The following MAP4 variants were observed in gnomAD, a reference collection of about 807,000 sequenced individuals.
MAP4 encodes the protein microtubule-associated protein 4.
Under a neutral mutation model 170.2 loss-of-function variants are expected in MAP4, and 76 were observed. That is an observed-to-expected ratio of 0.45 (90% confidence interval 0.37 to 0.54). The LOEUF (loss-of-function observed/expected upper bound fraction) is 0.54. MAP4 is among the 20% of genes least tolerant of loss of function. The probability of loss-of-function intolerance (pLI) is 0.00; values close to 1 mark genes in which losing one functional copy is unlikely to be tolerated. For missense variants in MAP4, 2,506 were observed against 2,748.0 expected (o/e 0.91, Z 1.97); for synonymous variants, 909 against 994.5 (o/e 0.91, Z 1.62).
Position 47,850,813 on chromosome 3 carries a change from C to T in MAP4, c.*2121G>A, listed in dbSNP as rs1181149759. Reference sequence around the variant, plus strand: ...TCGAGAAGTACAGAAATGTCCCACCCCAAACAGCTGCGGAGTACACATCAC... The same window carrying T: ...TCGAGAAGTACAGAAATGTCCCACCTCAAACAGCTGCGGAGTACACATCAC... On this transcript the variant is annotated 3_prime_UTR_variant, in exon 21 of 21. Transcript: ENST00000683076. 6.6e-6 allele frequency: 1 copy of T among 152,438 alleles called. No homozygotes were observed. The highest frequency in any genetic ancestry group is 1.5e-5 in the Non-Finnish European group (1 of 68,252). 9.4% of individuals were successfully genotyped at this position (152,438 alleles called of 1,614,324 possible).
chr3:48,037,737 A>G (rs1220563760), intron 1 of MAP4, among the ~76,000 whole-genome samples: 2 of 152,100 alleles, frequency 1.3e-5, no homozygotes, highest in South Asian at 2.1e-4. Flanking sequence ...CTCCATCCCT[A>G]TGAAAGTCGC....
intron 10 of MAP4, among the ~76,000 whole-genome samples, chr3:47,881,912 T>C (rs1457485744): frequency 6.6e-6 from 1 of 152,174 alleles, no homozygotes; most frequent in East Asian, 1.9e-4. Context: ...ACTTGAGTCA[T>C]TTTTTAAAAA....
chr3:47,900,941 G>A (rs2153322436), intron 10 of MAP4, among the ~76,000 whole-genome samples: 1 of 152,230 alleles, frequency 6.6e-6, no homozygotes, highest in South Asian at 2.1e-4. Flanking sequence ...ATACCCCTAG[G>A]ATCCTTTAGG....
chr3:48,083,973 C>T (rs576750272), intron 1 of MAP4, among the ~76,000 whole-genome samples: 13 of 152,052 alleles, frequency 8.5e-5, no homozygotes, highest in Admixed American at 7.2e-4. Context: ...GATCCCCCTG[C>T]CTCGGCCTCC....
chr3:47,950,741 A>G (rs1038603405), intron 3 of MAP4, among the ~76,000 whole-genome samples: 1 of 152,188 alleles, frequency 6.6e-6, no homozygotes, highest in Non-Finnish European at 1.5e-5. Flanking sequence ...TAACTACAGA[A>G]TAGAGGTTGC....
intron 3 of MAP4, chr3:47,973,726 T>C (rs1422570349): frequency 4.1e-6 from 4 of 985,248 alleles, no homozygotes; most frequent in African/African-American, 1.7e-5. Flanking sequence ...TTACGAGCAA[T>C]AGAAAGATGT....
At chr3:48,084,373 A>G (rs535030884) in intron 1 of MAP4, among the ~76,000 whole-genome samples, 1 of 149,502 alleles carries the variant, frequency 6.7e-6, no homozygotes, top group South Asian at 2.1e-4. Flanking sequence ...CTGACAGAAC[A>G]TGATCTCATC....
upstream of MAP4, among the ~76,000 whole-genome samples, chr3:48,019,355 G>C (rs907815727): frequency 6.6e-6 from 1 of 152,038 alleles, no homozygotes; most frequent in Non-Finnish European, 1.5e-5. Context: ...GGGACAGAGA[G>C]AGAAAGAGAG....
At chr3:47,895,324 G>A (rs923337640) in intron 10 of MAP4, among the ~76,000 whole-genome samples, 5 of 152,134 alleles carry the variant, frequency 3.3e-5, no homozygotes, top group Non-Finnish European at 4.4e-5. Flanking sequence ...ATAAAAGGAG[G>A]GGAATCTTTA....
In MAP4 at chr3:47,918,749, C is replaced by T; in HGVS notation, c.622G>A (p.Ala208Thr). 5 of 1,611,534 alleles carry T rather than the reference C, an allele frequency of 3.1e-6. No individual in the cohort carries two copies. The highest frequency in any genetic ancestry group is 1.1e-5 in the South Asian group (1 of 91,016). The change falls in exon 6 of 21, where the codon GCT becomes ACT. Residue 208 changes from alanine to threonine, a missense_variant. Ala to Thr is a moderately conservative substitution (Grantham distance 58, BLOSUM62 0). This residue lies in a region of MAP4 where 2,008 missense variants were observed against 2,206.0 expected (regional missense o/e 0.91). Transcript: ENST00000683076. ...PHSESFVSPEAVAEPPQPTAV... is the reference protein window; with the variant it reads ...PHSESFVSPETVAEPPQPTAV... ...GTTGGCTGAGGAGGTTCTGCAACAG[C>T]CTCTGGGGAAACAAAGGACTCTGAG...
At chr3:48,036,466 T>C (rs559323811) in intron 1 of MAP4, among the ~76,000 whole-genome samples, 3 of 152,254 alleles carry the variant, frequency 2.0e-5, no homozygotes, top group Non-Finnish European at 2.9e-5. Flanking sequence ...ACAGTTGTTA[T>C]TCATCATTTA....
At chr3:47,960,359 AT>A in intron 3 of MAP4, 2 of 231,566 alleles carry the variant, frequency 8.6e-6, no homozygotes, top group Non-Finnish European at 1.9e-5. Flanking sequence ...GCTTTTCTCC[AT>A]TAAATGATCT....
At position 47,909,326 on chromosome 3, in the gene MAP4, T is replaced by C; in HGVS notation, c.5095A>G (p.Ser1699Gly). ...TPEIQSDFLH[S>G]KVEAPPSEVA... ...TCTGAAGGAGGAGCTTCGACTTTGC[T>C]ATGTAAGAAATCTGACTGGATTTCT... Residue 1699 changes from serine (S) to glycine (G), a missense_variant, in exon 9 of 21, where the codon AGC becomes GGC. Physicochemically the swap from Ser to Gly is moderately conservative, Grantham distance 56 (BLOSUM62 0). Coordinates refer to ENST00000683076, the MANE Select transcript of MAP4 (RefSeq NM_001385682.1). 6.2e-7 allele frequency: 1 copy of C among 1,613,976 alleles called. No individual in the cohort carries two copies. The highest frequency in any genetic ancestry group is 1.1e-5 in the South Asian group (1 of 91,088).
chr3:48,010,929 G>A (rs2100104920), intron 1 of MAP4, among the ~76,000 whole-genome samples: 1 of 152,150 alleles, frequency 6.6e-6, no homozygotes, highest in South Asian at 2.1e-4. Flanking sequence ...TTCTCAGCTT[G>A]CAGACAGCCT....
chr3:47,883,840 T>C (rs2097168186), intron 10 of MAP4, among the ~76,000 whole-genome samples: 2 of 152,222 alleles, frequency 1.3e-5, no homozygotes, highest in South Asian at 4.1e-4. Flanking sequence ...TTAAATGCTG[T>C]TTCCTCAGCA....
chr3:47,946,510 C>T (rs1047891677), intron 3 of MAP4, among the ~76,000 whole-genome samples: 3 of 149,140 alleles, frequency 2.0e-5, no homozygotes, highest in Middle Eastern at 3.4e-3. Context: ...AAAAATTAGC[C>T]GGGTGTTGTG....
intron 3 of MAP4, among the ~76,000 whole-genome samples, chr3:47,962,748 C>G (rs905451964): frequency 1.3e-5 from 2 of 152,180 alleles, no homozygotes; most frequent in African/African-American, 4.8e-5. Flanking sequence ...CTCTAAATGT[C>G]TAAAAAGCTA....
At chr3:48,070,114 C>T (rs1238301514) in intron 1 of MAP4, among the ~76,000 whole-genome samples, 2 of 152,016 alleles carry the variant, frequency 1.3e-5, no homozygotes, top group African/African-American at 4.8e-5. Flanking sequence ...GCTGGGACTA[C>T]AGACACCACC....
intron 17 of MAP4, among the ~76,000 whole-genome samples, chr3:47,860,730 G>C (rs901576492): frequency 2.6e-5 from 4 of 152,158 alleles, no homozygotes; most frequent in Non-Finnish European, 4.4e-5. Flanking sequence ...AATGAGACAT[G>C]AATGTAATTT....
Sources: allele counts gnomAD v4.1 joint callset (sites outside exome capture counted in the v4.1 genomes callset), GRCh38; gene constraint gnomAD v4.1.1; regional missense constraint gnomAD v4.1.1; transcripts MANE v1.5; gene names NCBI Gene and HGNC (gene_info 2026-07-23, HGNC 2026-07-21).